The following GSS variants were observed in gnomAD, a reference collection of about 807,000 sequenced individuals.
GSS encodes GSH synthetase.
In GSS, 34 loss-of-function variants were observed where a neutral mutation model predicts 60.4. The observed-to-expected ratio is 0.56, with a 90% confidence interval of 0.43 to 0.75. GSS has a LOEUF of 0.75. Ranked by LOEUF, GSS falls within the 30% of genes least tolerant of loss-of-function variation. The pLI, the probability that GSS is intolerant of heterozygous loss-of-function variation, is 0.00. For missense variants in GSS, 499 were observed against 595.1 expected (o/e 0.84, Z 1.68); for synonymous variants, 224 against 239.0 (o/e 0.94, Z 0.58).
intron 6 of GSS, among the ~76,000 whole-genome samples, chr20:34,938,713 A>G (rs975549352): frequency 6.6e-6 from 1 of 152,174 alleles, no homozygotes; most frequent in African/African-American, 2.4e-5. Flanking sequence ...CTGCTAAACA[A>G]TCAGAGCTGG....
chr20:34,946,305 G>C (rs1338010423), intron 2 of GSS, among the ~76,000 whole-genome samples: 1 of 152,178 alleles, frequency 6.6e-6, no homozygotes, highest in Non-Finnish European at 1.5e-5. Flanking sequence ...ACGTATTGAA[G>C]AGAGAGAAGC....
intron 2 of GSS, among the ~76,000 whole-genome samples, chr20:34,947,156 C>A (rs532169225): frequency 6.6e-6 from 1 of 151,926 alleles, no homozygotes; most frequent in Non-Finnish European, 1.5e-5. Context: ...GGTACAATCT[C>A]GGCTCACTGC....
intron 6 of GSS, 85 bp from the exon 7 acceptor site, chr20:34,937,108 C>G: frequency 2.3e-6 from 2 of 884,906 alleles, no homozygotes; most frequent in Non-Finnish European, 1.9e-6. Context: ...ACCGCCCCAC[C>G]TCCTGGAATA....
chr20:34,929,118 C>A, intron 12 of GSS, 167 bp from the exon 13 acceptor site: 1 of 836,546 alleles, frequency 1.2e-6, no homozygotes, highest in South Asian at 1.4e-5. Flanking sequence ...CCTAGGTTGT[C>A]AAACCATGTG....
intron 1 of GSS, chr20:34,954,125 C>T (rs1337209626): frequency 6.6e-6 from 1 of 152,188 alleles, no homozygotes; most frequent in East Asian, 1.9e-4. Flanking sequence ...CTCCATGAGC[C>T]CCCATCGTTC....
chr20:34,938,820 G>A (rs949489930), intron 6 of GSS, among the ~76,000 whole-genome samples: 3 of 152,186 alleles, frequency 2.0e-5, no homozygotes, highest in East Asian at 1.9e-4. Flanking sequence ...GGACGCATGC[G>A]GGCTGGGGGT....
chr20:34,945,426 A>G (rs1600388170), intron 3 of GSS, among the ~76,000 whole-genome samples: 1 of 148,990 alleles, frequency 6.7e-6, no homozygotes, highest in South Asian at 2.1e-4. Context: ...AGAAGGGCGG[A>G]TGGGCTGAAC....
chr20:34,936,793 C>A lies in GSS; in HGVS notation c.737G>T (p.Gly246Val). 1 of 1,614,036 alleles carries A rather than the reference C, an allele frequency of 6.2e-7. No individual in the cohort carries two copies. ...CAGCCTTCGGTCTTGGTCCAGAGAC[C>A]CCTTTTCAGAGATATCTTCAAATGT... Reference protein sequence around the residue: ...RRTFEDISEKGSLDQDRRLFV... With the variant: ...RRTFEDISEKVSLDQDRRLFV... Residue 246 changes from glycine to valine, a missense_variant, in exon 8 of 13, where the codon GGG (glycine) becomes GTG (valine). Coordinates refer to ENST00000651619, the MANE Select transcript of GSS (RefSeq NM_000178.4).
Position 34,928,724 on chromosome 20 carries a change from C to A in GSS, c.*104G>T. ...CTGGGGGAAGGTACCAGTATTTACC[C>A]TTCCATAAAAACTTTGGAGGTCTTT... On this transcript the variant is annotated 3_prime_UTR_variant, in exon 13 of 13. Transcript: ENST00000651619. 7.7e-7 allele frequency: 1 copy of A among 1,306,448 alleles called. No individual in the cohort carries two copies. Among genetic ancestry groups the A allele is most frequent in the African/African-American group, 1.5e-5 (1 of 68,924 alleles). The allele number at this position is 1,306,448 out of a possible 1,614,324, so 80.9% of individuals were successfully genotyped here.
Position 34,942,940 on chromosome 20 carries a change from GC to G in GSS, c.341del (p.Gly114AlafsTer10). On this transcript the variant is annotated frameshift_variant, in exon 4 of 13. Transcript: ENST00000651619. LOFTEE classifies it high-confidence loss of function. Reference sequence around the variant, plus strand: ...GGCTGGGAATGGTTACCTGGGCAATGCCCTCTTTTAGGACTTGCTTGTGGAT... The same window carrying G: ...GGCTGGGAATGGTTACCTGGGCAATGCCTCTTTTAGGACTTGCTTGTGGAT... ...FDIHKQVLKEGIAQTVFLGLN... is the reference protein window; with the variant it reads ...FDIHKQVLKEXIAQTVFLGLN... 2 of 1,600,522 alleles carry G rather than the reference GC, an allele frequency of 1.2e-6. No individual in the cohort carries two copies. Among genetic ancestry groups the G allele is most frequent in the East Asian group, 4.5e-5 (2 of 44,808 alleles).
intron 4 of GSS, 65 bp from the exon 5 acceptor site, chr20:34,942,692 A>G: frequency 6.7e-7 from 1 of 1,489,652 alleles, no homozygotes; most frequent in Non-Finnish European, 9.4e-7. Flanking sequence ...CTAGCCACAG[A>G]GCACACAGGT....
chr20:34,951,400 G>A, intron 2 of GSS: 1 of 330,976 alleles, frequency 3.0e-6, no homozygotes, highest in Non-Finnish European at 5.7e-6. Flanking sequence ...AGCTCACTGG[G>A]CAAAGTGCTT....
chr20:34,951,848 G>T lies in GSS; in HGVS notation c.5C>A (p.Ala2Asp). 6.2e-7 allele frequency: 1 copy of T among 1,614,080 alleles called. No individual in the cohort carries two copies. Among genetic ancestry groups the T allele is most frequent in the Admixed American group, 1.7e-5 (1 of 60,026 alleles). M[A>D]TNWGSLLQDK... is the part of the protein sequence containing the mutation. Reference sequence around the variant, plus strand: ...CTGCAAGAGGCTCCCCCAGTTGGTGGCCATCCCAACACCTGCAAAAGATGG... The same window carrying T: ...CTGCAAGAGGCTCCCCCAGTTGGTGTCCATCCCAACACCTGCAAAAGATGG... Residue 2 changes from alanine (A) to aspartate (D), a missense_variant, in exon 2 of 13, where the codon GCC becomes GAC. Coordinates refer to ENST00000651619, the MANE Select transcript of GSS (RefSeq NM_000178.4).
intron 6 of GSS, among the ~76,000 whole-genome samples, chr20:34,940,863 G>A (rs929747960): frequency 6.6e-6 from 1 of 152,142 alleles, no homozygotes; most frequent in Non-Finnish European, 1.5e-5. Flanking sequence ...CGTAGTCAAA[G>A]CTTATGCATT....
chr20:34,953,650 C>G (rs1222708883), intron 1 of GSS, among the ~76,000 whole-genome samples: 1 of 143,230 alleles, frequency 7.0e-6, no homozygotes, highest in Non-Finnish European at 1.5e-5. Flanking sequence ...GAGTCTGGCT[C>G]TGTCGCCCAG....
chr20:34,928,586 T>C lies in GSS; in HGVS notation c.*242A>G. 1 of 581,878 alleles carries C rather than the reference T, an allele frequency of 1.7e-6. No individual in the cohort carries two copies. The highest frequency in any genetic ancestry group is 3.1e-6 in the Non-Finnish European group (1 of 323,830). The allele number at this position is 581,878 out of a possible 1,614,324, so 36.0% of individuals were successfully genotyped here. On this transcript the variant is annotated 3_prime_UTR_variant, in exon 13 of 13. Transcript: ENST00000651619. ...GCTGACAGGAGTGGGGCAGGGTTCA[T>C]GGACCTTTACCTCAGAGCAGCTTAC...
chr20:34,930,427 G>T (rs1044909915), intron 11 of GSS, among the ~76,000 whole-genome samples: 3 of 152,056 alleles, frequency 2.0e-5, no homozygotes, highest in Non-Finnish European at 2.9e-5. Flanking sequence ...TCAGGCAAAA[G>T]GTACCCCTGA....
At chr20:34,943,746 G>A (rs1244574881) in intron 3 of GSS, among the ~76,000 whole-genome samples, 2 of 152,122 alleles carry the variant, frequency 1.3e-5, no homozygotes, top group African/African-American at 4.8e-5. Flanking sequence ...TTCTTTGTGT[G>A]ATGATTAGTG....
intron 5 of GSS, 118 bp downstream of exon 5, chr20:34,942,370 T>G: frequency 1.1e-6 from 1 of 951,716 alleles, no homozygotes; most frequent in Non-Finnish European, 1.6e-6. Flanking sequence ...AGGGGCAACA[T>G]GTGACCCGGG....
Sources: allele counts gnomAD v4.1 joint callset (sites outside exome capture counted in the v4.1 genomes callset), GRCh38; gene constraint gnomAD v4.1.1; transcripts MANE v1.5; gene names NCBI Gene and HGNC (gene_info 2026-07-23, HGNC 2026-07-21).